IWS1: variants seen among roughly 807,000 people sequenced by gnomAD.
IWS1 encodes protein IWS1 homolog.
IWS1 carries 27 observed loss-of-function variants against 86.7 expected under a neutral mutation model. That is an observed-to-expected ratio of 0.31 (90% confidence interval 0.23 to 0.43). The LOEUF (loss-of-function observed/expected upper bound fraction) is 0.43, where lower values mean the gene tolerates loss of function less well. Among genes scored for constraint, IWS1 ranks in the 20% least tolerant of loss-of-function variants. IWS1 has a pLI of 1.00. For synonymous variants in IWS1, 313 were observed against 335.1 expected (o/e 0.93, Z 0.72); for missense variants, 827 against 1,000.8 (o/e 0.83, Z 2.34).
chr2:127,514,671 A>T (rs2104727767), intron 2 of IWS1: 1 of 152,334 alleles, frequency 6.6e-6, no homozygotes, highest in Non-Finnish European at 1.5e-5. Flanking sequence ...GCTGCGGCAC[A>T]CTGTGTCCAG....
intron 2 of IWS1, among the ~76,000 whole-genome samples, chr2:127,509,459 A>G (rs1691324998): frequency 6.6e-6 from 1 of 152,176 alleles, no homozygotes; most frequent in South Asian, 2.1e-4. Flanking sequence ...CTGTAATCCC[A>G]GCACTTTGGG....
In IWS1 at chr2:127,498,361, A is replaced by G. The variant is rs542386109; in HGVS notation, c.1468-124T>C. ...AAATTCAATAGATATCAAAAGGTAC[A>G]TAACAAAAGGTCCCTCTCCAGCCAC... On this transcript the variant is annotated intron_variant, in intron 5 of 13. Coordinates refer to ENST00000295321, the MANE Select transcript of IWS1 (RefSeq NM_017969.3). 9.3e-6 allele frequency: 8 copies of G among 862,814 alleles called. No individual in the cohort carries two copies. In the African/African-American group the frequency reaches 1.4e-4, roughly 15 times the overall value. The allele number at this position is 862,814 out of a possible 1,614,324, so 53.4% of individuals were successfully genotyped here. A position where few individuals can be genotyped will look rare whatever the true frequency, so the allele number is the denominator to read the frequency against.
intron 8 of IWS1, among the ~76,000 whole-genome samples, chr2:127,493,740 T>C (rs1351249576): frequency 2.7e-5 from 4 of 147,148 alleles, no homozygotes; most frequent in African/African-American, 7.6e-5. Flanking sequence ...GTTCAATCTA[T>C]CAAAATAGTG....
At chr2:127,506,134 C>T (rs923543354) in intron 2 of IWS1, among the ~76,000 whole-genome samples, 43 of 152,098 alleles carry the variant, frequency 2.8e-4, no homozygotes, top group African/African-American at 8.9e-4. Flanking sequence ...TTTGGGAGGC[C>T]GAGGTGGTGG....
At chr2:127,510,182 C>T (rs1008337811) in intron 2 of IWS1, among the ~76,000 whole-genome samples, 1 of 152,120 alleles carries the variant, frequency 6.6e-6, no homozygotes, top group African/African-American at 2.4e-5. Context: ...GACCTTAGTT[C>T]CAGAAGATAT....
At chr2:127,523,454 A>G (rs1692219098) in intron 2 of IWS1, among the ~76,000 whole-genome samples, 1 of 152,224 alleles carries the variant, frequency 6.6e-6, no homozygotes, top group Non-Finnish European at 1.5e-5. Flanking sequence ...AAACTGCCTA[A>G]CATTTGAAAT....
At chr2:127,495,533 T>G (rs1558747800) in intron 7 of IWS1, among the ~76,000 whole-genome samples, 1 of 152,238 alleles carries the variant, frequency 6.6e-6, no homozygotes, top group East Asian at 1.9e-4. Context: ...ATTGAATCCA[T>G]GCTGAACTCT....
chr2:127,514,425 T>C (rs1349099356), intron 2 of IWS1: 2 of 154,526 alleles, frequency 1.3e-5, no homozygotes, highest in Non-Finnish European at 2.9e-5. Flanking sequence ...GGGCATGGCA[T>C]ACCACCGTTC....
intron 2 of IWS1, among the ~76,000 whole-genome samples, chr2:127,518,862 A>G (rs1209598043): frequency 6.6e-6 from 1 of 151,952 alleles, no homozygotes. Flanking sequence ...CAGTCACCGC[A>G]CCCGGCCCAA....
At chr2:127,483,832 T>G (rs573049190) in intron 13 of IWS1, among the ~76,000 whole-genome samples, 3 of 152,168 alleles carry the variant, frequency 2.0e-5, no homozygotes, top group Non-Finnish European at 4.4e-5. Flanking sequence ...AGTCTTGCTA[T>G]GTTGTCCAGG....
At chr2:127,483,575 G>GGGGT (rs1558736643) in intron 13 of IWS1, among the ~76,000 whole-genome samples, 803 of 46,046 alleles carry the variant, frequency 0.017, 114 homozygotes, top group South Asian at 0.052. Context: ...TTTGGTCGGG[G>GGGGT]CGGGGGGTGG....
intron 5 of IWS1, among the ~76,000 whole-genome samples, chr2:127,501,331 C>T (rs922383417): frequency 1.3e-5 from 2 of 152,076 alleles, no homozygotes; most frequent in African/African-American, 4.8e-5. Context: ...CTTTTCTGAA[C>T]GTATTTTTTT....
At chr2:127,512,124 T>C (rs1691485599) in intron 2 of IWS1, among the ~76,000 whole-genome samples, 1 of 152,228 alleles carries the variant, frequency 6.6e-6, no homozygotes, top group Non-Finnish European at 1.5e-5. Context: ...CATTTTTTCC[T>C]GTGGGACGCT....
At chr2:127,486,044 T>C (rs1332438846) in intron 13 of IWS1, 1 of 154,104 alleles carries the variant, frequency 6.5e-6, no homozygotes, top group Non-Finnish European at 1.4e-5. Context: ...CTAGAAGTAG[T>C]AGTTTGATTG....
chr2:127,521,390 G>C (rs1289283207), intron 2 of IWS1, among the ~76,000 whole-genome samples: 1 of 151,994 alleles, frequency 6.6e-6, no homozygotes, highest in Non-Finnish European at 1.5e-5. Flanking sequence ...TCTGTAGTTG[G>C]ACTATGCTGG....
At chr2:127,496,550 T>TAAACACACAC (rs1690521550) in intron 6 of IWS1, among the ~76,000 whole-genome samples, 1 of 140,330 alleles carries the variant, frequency 7.1e-6, no homozygotes, top group South Asian at 2.3e-4. Flanking sequence ...TATTTTATCA[T>TAAACACACAC]ACACACACAC....
At chr2:127,522,915 AATTAT>A (rs1692178882) in intron 2 of IWS1, among the ~76,000 whole-genome samples, 1 of 152,346 alleles carries the variant, frequency 6.6e-6, no homozygotes, top group African/African-American at 2.4e-5. Flanking sequence ...CAGCTCTTAA[AATTAT>A]ATTTGCAGGC....
At chr2:127,523,463 A>AT (rs1692219531) in intron 2 of IWS1, among the ~76,000 whole-genome samples, 1 of 152,214 alleles carries the variant, frequency 6.6e-6, no homozygotes, top group South Asian at 2.1e-4. Context: ...AACATTTGAA[A>AT]TGTGACCCAA....
At position 127,489,298 on chromosome 2, in the gene IWS1, C is replaced by G; in HGVS notation, c.2160-63G>C. The G allele has an allele frequency of 8.2e-7, 1 of 1,224,798 alleles. No homozygotes were observed. The highest frequency in any genetic ancestry group is 2.0e-5 in the Admixed American group (1 of 49,960). 75.9% of individuals were successfully genotyped at this position (1,224,798 alleles called of 1,614,324 possible). ...AGAACCTAATAACTCAGAAAAAGAG[C>G]AAACTAAAAATCAAACTTAGACCAT... On this transcript the variant is annotated intron_variant, in intron 11 of 13. Coordinates refer to ENST00000295321, the MANE Select transcript of IWS1 (RefSeq NM_017969.3). This position sits in a 1 kb window ranked among gnomAD's most constrained non-coding sequence, Gnocchi z 4.8.
Sources: allele counts gnomAD v4.1 joint callset (sites outside exome capture counted in the v4.1 genomes callset), GRCh38; gene constraint gnomAD v4.1.1; non-coding constraint Gnocchi (gnomAD v3.1); transcripts MANE v1.5; gene names NCBI Gene and HGNC (gene_info 2026-07-23, HGNC 2026-07-21).